Variants in CDK13 observed in about 807,000 individuals in gnomAD.
CDK13 encodes the protein cyclin dependent kinase 13, also known as cyclin-dependent kinase 13.
A neutral mutation model predicts 137.6 loss-of-function variants in CDK13; 40 were observed. The ratio of observed to expected loss-of-function variants is 0.29; its 90% CI spans 0.23 to 0.38. The LOEUF is 0.38. CDK13 is among the 10% of genes least tolerant of loss of function. The probability of loss-of-function intolerance (pLI) is 1.00; values close to 1 mark genes in which losing one functional copy is unlikely to be tolerated. For missense variants in CDK13, 1,704 were observed against 1,951.8 expected (o/e 0.87, Z 2.39); for synonymous variants, 869 against 760.1 (o/e 1.14, Z -2.36).
At chr7:40,028,408 C>T (rs1442594258) in intron 5 of CDK13, among the ~76,000 whole-genome samples, 12 of 151,702 alleles carry the variant, frequency 7.9e-5, no homozygotes, top group African/African-American at 2.7e-4. Context: ...TTAGTAGAGA[C>T]GAGGTTTCAC....
chr7:39,980,412 C>T (rs1002841664), intron 1 of CDK13, among the ~76,000 whole-genome samples: 8 of 152,146 alleles, frequency 5.3e-5, no homozygotes, highest in African/African-American at 1.9e-4. Context: ...GAGGCTACCA[C>T]AGTGCTGTTA....
chr7:39,990,079 C>T (rs1435643458), intron 2 of CDK13, among the ~76,000 whole-genome samples: 7 of 152,120 alleles, frequency 4.6e-5, no homozygotes, highest in Non-Finnish European at 7.4e-5. Context: ...CCACTGCGCC[C>T]AACCTACTTT....
intron 11 of CDK13, 72 bp downstream of exon 11, chr7:40,078,923 CAT>C (rs1215926449): frequency 5.1e-5 from 26 of 513,200 alleles, no homozygotes; most frequent in South Asian, 2.2e-4. Flanking sequence ...GTTTTAATAA[CAT>C]ATATAATAAG....
chr7:40,016,388 T>G (rs1410782555), intron 5 of CDK13, among the ~76,000 whole-genome samples: 1 of 152,228 alleles, frequency 6.6e-6, no homozygotes, highest in South Asian at 2.1e-4. Flanking sequence ...ATTTTCACCA[T>G]TCTTCATGAT....
intron 1 of CDK13, among the ~76,000 whole-genome samples, chr7:39,983,481 T>C (rs1208053403): frequency 6.6e-6 from 1 of 152,248 alleles, no homozygotes; most frequent in Non-Finnish European, 1.5e-5. Flanking sequence ...ATTCAGATTC[T>C]GTCTAAAAGA....
chr7:40,097,357 C>T lies in CDK13; in HGVS notation c.*2377C>T, dbSNP rs1787070011. 6.6e-6 allele frequency: 1 copy of T among 151,922 alleles called. No individual in the cohort carries two copies. The highest frequency in any genetic ancestry group is 6.6e-5 in the Admixed American group (1 of 15,222). 9.4% of individuals were successfully genotyped at this position (151,922 alleles called of 1,614,324 possible). ...CCACAATACAATGCTAAGACGTCAT[C>T]AATTGTAAGCTGCATCCCAGATTCA... is the stretch of plus-strand genomic sequence containing the variant. On this transcript the variant is annotated 3_prime_UTR_variant, in exon 14 of 14. Coordinates refer to ENST00000181839, the MANE Select transcript of CDK13 (RefSeq NM_003718.5).
At chr7:39,960,970 C>A (rs1787599627) in intron 1 of CDK13, among the ~76,000 whole-genome samples, 1 of 152,202 alleles carries the variant, frequency 6.6e-6, no homozygotes, top group Non-Finnish European at 1.5e-5. Flanking sequence ...ATTAAGAAAT[C>A]AGTCACATCA....
At chr7:40,093,907 A>C (rs1196624854) in intron 13 of CDK13, among the ~76,000 whole-genome samples, 1 of 107,112 alleles carries the variant, frequency 9.3e-6, no homozygotes, top group South Asian at 3.1e-4. Context: ...CCGTGTCACC[A>C]AAAAAAAAAA....
intron 1 of CDK13, among the ~76,000 whole-genome samples, chr7:39,966,559 C>T (rs772955476): frequency 3.3e-5 from 5 of 151,954 alleles, no homozygotes; most frequent in Non-Finnish European, 7.4e-5. Flanking sequence ...TTCGAATTTC[C>T]TCCTTTAGCT....
chr7:40,029,475 A>C (rs1410342002), intron 5 of CDK13, among the ~76,000 whole-genome samples: 2 of 151,440 alleles, frequency 1.3e-5, no homozygotes, highest in Non-Finnish European at 2.9e-5. Context: ...TAATCCCAGC[A>C]CTTTGGGAGG....
intron 5 of CDK13, among the ~76,000 whole-genome samples, chr7:40,044,667 C>G (rs966169403): frequency 1.3e-5 from 2 of 151,522 alleles, no homozygotes; most frequent in Admixed American, 1.3e-4. Context: ...GACGGAGTCT[C>G]GCTCTGTCAC....
At chr7:40,026,940 A>G (rs1309109644) in intron 5 of CDK13, among the ~76,000 whole-genome samples, 2 of 152,234 alleles carry the variant, frequency 1.3e-5, no homozygotes, top group Non-Finnish European at 2.9e-5. Flanking sequence ...TTAGCTGGTT[A>G]GGGAGATGAT....
intron 7 of CDK13, chr7:40,062,236 T>C (rs949926407): frequency 3.3e-5 from 5 of 152,344 alleles, no homozygotes; most frequent in Non-Finnish European, 7.3e-5. Flanking sequence ...TGCTCAACAA[T>C]TGAGTTGATA....
chr7:39,964,935 G>T (rs1398444860), intron 1 of CDK13, among the ~76,000 whole-genome samples: 1 of 152,026 alleles, frequency 6.6e-6, no homozygotes, highest in Non-Finnish European at 1.5e-5. Flanking sequence ...TGAGCGGTTT[G>T]GAGTGAGTTT....
chr7:39,974,689 A>T (rs140166258), intron 1 of CDK13, among the ~76,000 whole-genome samples: 2 of 151,296 alleles, frequency 1.3e-5, no homozygotes, highest in Non-Finnish European at 2.9e-5. Context: ...TCAGCCTCCT[A>T]TGTAGCTGGG....
chr7:39,996,133 G>T (rs922294142), intron 2 of CDK13, among the ~76,000 whole-genome samples: 4 of 152,102 alleles, frequency 2.6e-5, no homozygotes, highest in African/African-American at 9.7e-5. Context: ...TTATCAGATG[G>T]TATTATTAAG....
chr7:40,059,504 G>T (rs1786094261), intron 7 of CDK13, among the ~76,000 whole-genome samples: 1 of 152,146 alleles, frequency 6.6e-6, no homozygotes, highest in Non-Finnish European at 1.5e-5. Flanking sequence ...GATTACAGAT[G>T]CATGCCACCA....
intron 7 of CDK13, among the ~76,000 whole-genome samples, chr7:40,053,508 T>C (rs995074140): frequency 2.8e-4 from 42 of 152,214 alleles, no homozygotes; most frequent in African/African-American, 9.6e-4. Context: ...TTCCCTAAAC[T>C]TGCTGTGCTC....
chr7:40,022,862 T>G (rs78841801), intron 5 of CDK13, among the ~76,000 whole-genome samples: 2,642 of 151,650 alleles, frequency 0.017, 70 homozygotes, highest in African/African-American at 0.061. Flanking sequence ...CGTCTTCTTT[T>G]TTTTTTTTTT....
Sources: allele counts gnomAD v4.1 joint callset (sites outside exome capture counted in the v4.1 genomes callset), GRCh38; gene constraint gnomAD v4.1.1; transcripts MANE v1.5; gene names NCBI Gene and HGNC (gene_info 2026-07-23, HGNC 2026-07-21).